The following CTNNBIP1 variants were observed in gnomAD, a reference collection of about 807,000 sequenced individuals.
CTNNBIP1 encodes beta-catenin-interacting protein 1.
In CTNNBIP1, 7 loss-of-function variants were observed where a neutral mutation model predicts 11.8. That is an observed-to-expected ratio of 0.60 (90% CI 0.34 to 1.12). CTNNBIP1 has a LOEUF of 1.12. CTNNBIP1 is among the 50% of genes most tolerant of loss of function. CTNNBIP1 has a pLI of 0.03. For synonymous variants in CTNNBIP1, 58 were observed against 43.9 expected (o/e 1.32, Z -1.26); for missense variants, 101 against 113.4 (o/e 0.89, Z 0.50).
At chr1:9,854,282 C>T (rs547785758) in intron 5 of CTNNBIP1, among the ~76,000 whole-genome samples, 1 of 150,492 alleles carries the variant, frequency 6.6e-6, no homozygotes, top group East Asian at 2.0e-4. Flanking sequence ...CCAGGAGAAT[C>T]GCTTGAACCT....
chr1:9,896,910 T>C (rs1403570478), intron 1 of CTNNBIP1, among the ~76,000 whole-genome samples: 2 of 147,756 alleles, frequency 1.4e-5, no homozygotes, highest in African/African-American at 2.5e-5. Context: ...AAGGTTGCAG[T>C]GAGCCGAGAT....
intron 5 of CTNNBIP1, among the ~76,000 whole-genome samples, chr1:9,857,384 G>A (rs1420036372): frequency 6.6e-6 from 1 of 151,590 alleles, no homozygotes; most frequent in Admixed American, 6.6e-5. Context: ...TGTTGTACTC[G>A]GGAGGCTGAG....
chr1:9,906,319 A>C (rs112737891), intron 1 of CTNNBIP1, among the ~76,000 whole-genome samples: 7,166 of 152,250 alleles, frequency 0.047, 458 homozygotes, highest in East Asian at 0.22. Context: ...ACACTTTAGG[A>C]GGCCGAGGTG....
At position 9,852,734 on chromosome 1, in the gene CTNNBIP1, G is replaced by C. The variant is rs578079956; in HGVS notation, c.188-1958C>G. ...TGTGAAAGGGGAGTTGTCAGCAGAA[G>C]ATGCCTTAGTGGCAGTGATGGTGGC... On this transcript the variant is annotated intron_variant, in intron 5 of 5. Coordinates refer to ENST00000377263, the MANE Select transcript of CTNNBIP1 (RefSeq NM_020248.3). Among the ~76,000 whole-genome samples the C allele has an allele frequency of 3.3e-5, 5 of 152,332 alleles. No individual in the cohort carries two copies. The South Asian group carries it at 1.0e-3, about 32-fold the overall frequency.
chr1:9,902,631 G>C (rs528660466), intron 1 of CTNNBIP1, among the ~76,000 whole-genome samples: 1 of 152,284 alleles, frequency 6.6e-6, no homozygotes, highest in South Asian at 2.1e-4. Context: ...TGTGCATCTG[G>C]AGATCATGTC....
chr1:9,902,057 A>G (rs1451183684), intron 1 of CTNNBIP1, among the ~76,000 whole-genome samples: 1 of 152,116 alleles, frequency 6.6e-6, no homozygotes, highest in Non-Finnish European at 1.5e-5. Flanking sequence ...GTCTTTGAAG[A>G]GAGCTGAAGG....
At chr1:9,853,199 G>T (rs1336441051) in intron 5 of CTNNBIP1, among the ~76,000 whole-genome samples, 1 of 152,176 alleles carries the variant, frequency 6.6e-6, no homozygotes, top group Non-Finnish European at 1.5e-5. Context: ...GCTCTCTTCT[G>T]TTCCTTAAGG....
At chr1:9,876,636 A>T (rs1395240708) in intron 3 of CTNNBIP1, among the ~76,000 whole-genome samples, 2 of 152,094 alleles carry the variant, frequency 1.3e-5, no homozygotes, top group Non-Finnish European at 2.9e-5. Context: ...AAACAATAAA[A>T]CAGAAAAGAA....
Position 9,851,173 on chromosome 1 carries a change from C to T in CTNNBIP1, c.188-397G>A, listed in dbSNP as rs949677848. The stretch of plus-strand genomic sequence containing the variant: ...CCTCCCTCTTTCTTCTCAAGACTCG[C>T]GTCTTGATGCCTTCGGAGGGTCTGG... On this transcript the variant is annotated intron_variant, in intron 5 of 5. Coordinates refer to ENST00000377263, the MANE Select transcript of CTNNBIP1 (RefSeq NM_020248.3). The surrounding 1 kb of genome is among the most constrained non-coding windows in gnomAD (Gnocchi z 4.8). Among the ~76,000 whole-genome samples, 2 of 152,168 alleles carry T rather than the reference C, an allele frequency of 1.3e-5. No homozygotes were observed. Among genetic ancestry groups the T allele is most frequent in the Admixed American group, 6.5e-5 (1 of 15,278 alleles).
At chr1:9,899,715 T>C (rs1639483850) in intron 1 of CTNNBIP1, among the ~76,000 whole-genome samples, 1 of 149,126 alleles carries the variant, frequency 6.7e-6, no homozygotes, top group South Asian at 2.1e-4. Context: ...GCTGAGATCA[T>C]GCCACTGCAC....
intron 1 of CTNNBIP1, among the ~76,000 whole-genome samples, chr1:9,896,232 C>A (rs573474087): frequency 5.3e-5 from 8 of 152,306 alleles, no homozygotes; most frequent in South Asian, 2.1e-4. Flanking sequence ...AATTATGTAT[C>A]TGATGTATCA....
intron 1 of CTNNBIP1, among the ~76,000 whole-genome samples, chr1:9,892,175 C>A (rs1263432277): frequency 6.6e-6 from 1 of 151,898 alleles, no homozygotes; most frequent in Non-Finnish European, 1.5e-5. Flanking sequence ...CTAATCCCAG[C>A]ACTTTGGGAA....
intron 5 of CTNNBIP1, among the ~76,000 whole-genome samples, chr1:9,858,975 C>G (rs899915312): frequency 3.9e-5 from 6 of 152,084 alleles, no homozygotes; most frequent in Admixed American, 2.6e-4. Context: ...CATCTTAGTT[C>G]CATCTTAGTT....
At chr1:9,897,454 AAAAAAC>A (rs776131271) in intron 1 of CTNNBIP1, among the ~76,000 whole-genome samples, 43 of 151,958 alleles carry the variant, frequency 2.8e-4, no homozygotes, top group Admixed American at 7.2e-4. Context: ...ACTCCGTCTC[AAAAAAC>A]AAAAACAAAA....
chr1:9,890,266 G>A (rs1639274633), intron 1 of CTNNBIP1, among the ~76,000 whole-genome samples: 1 of 152,144 alleles, frequency 6.6e-6, no homozygotes, highest in South Asian at 2.1e-4. Context: ...TGTGGAGCCT[G>A]AGGAAGTTTC....
chr1:9,889,416 CTGAG>C (rs570707705), intron 1 of CTNNBIP1, among the ~76,000 whole-genome samples: 4 of 152,160 alleles, frequency 2.6e-5, no homozygotes, highest in African/African-American at 7.2e-5. Flanking sequence ...GTCTGGAGAG[CTGAG>C]TGAGAAGCCC....
At chr1:9,905,783 C>T (rs1639608634) in intron 1 of CTNNBIP1, among the ~76,000 whole-genome samples, 1 of 152,134 alleles carries the variant, frequency 6.6e-6, no homozygotes, top group Non-Finnish European at 1.5e-5. Flanking sequence ...ATCTGTCTCT[C>T]CCACTAGAAG....
At chr1:9,864,219 ACCAGGGCATGGCCCCAGG>A (rs1336659577) in intron 5 of CTNNBIP1, among the ~76,000 whole-genome samples, 1 of 152,240 alleles carries the variant, frequency 6.6e-6, no homozygotes, top group East Asian at 1.9e-4. Context: ...GTGGCAGCAG[ACCAGGGCATGGCCCCAGG>A]AGGCCCCCAG....
At chr1:9,909,831 G>A (rs1224703948) in intron 1 of CTNNBIP1, among the ~76,000 whole-genome samples, 1 of 152,102 alleles carries the variant, frequency 6.6e-6, no homozygotes, top group African/African-American at 2.4e-5. Flanking sequence ...ACGCGGTGAG[G>A]TGAGCAACAA....
Sources: allele counts gnomAD v4.1 joint callset (sites outside exome capture counted in the v4.1 genomes callset), GRCh38; gene constraint gnomAD v4.1.1; non-coding constraint Gnocchi (gnomAD v3.1); transcripts MANE v1.5; gene names NCBI Gene and HGNC (gene_info 2026-07-23, HGNC 2026-07-21).